NCK2: variants seen among roughly 807,000 people sequenced by gnomAD.
NCK2 encodes cytoplasmic protein NCK2.
NCK2 carries 16 observed loss-of-function variants against 33.9 expected under a neutral mutation model. The ratio of observed to expected loss-of-function variants is 0.47; its 90% CI spans 0.32 to 0.72. The LOEUF is 0.72. Among genes scored for constraint, NCK2 ranks in the 30% least tolerant of loss-of-function variants. The pLI, the probability that NCK2 is intolerant of heterozygous loss-of-function variation, is 0.03. For missense variants in NCK2, 418 were observed against 537.3 expected, an observed-to-expected ratio of 0.78 and a Z score of 2.19; for synonymous variants, 273 against 239.9, an observed-to-expected ratio of 1.14 and a Z score of -1.27.
intron 2 of NCK2, among the ~76,000 whole-genome samples, chr2:105,841,954 T>C (rs1051293543): frequency 1.3e-5 from 2 of 151,872 alleles, no homozygotes; most frequent in Non-Finnish European, 2.9e-5. Flanking sequence ...GCACCAAGAG[T>C]CCACTTGAGG....
intron 1 of NCK2, among the ~76,000 whole-genome samples, chr2:105,789,242 T>C (rs1690790912): frequency 6.6e-6 from 1 of 151,922 alleles, no homozygotes; most frequent in South Asian, 2.1e-4. Flanking sequence ...GGCTGGAGTG[T>C]AGTGGCGCGA....
At chr2:105,750,309 A>G (rs747972635) in intron 1 of NCK2, among the ~76,000 whole-genome samples, 3 of 152,136 alleles carry the variant, frequency 2.0e-5, no homozygotes, top group African/African-American at 7.2e-5. Flanking sequence ...CCCCACCCTT[A>G]TGGTGACCTT....
chr2:105,787,131 C>A (rs1690707173), intron 1 of NCK2, among the ~76,000 whole-genome samples: 1 of 152,236 alleles, frequency 6.6e-6, no homozygotes. Context: ...ACTGCCCTCA[C>A]CTTTGACCCT....
rs1368737334 is a variant in NCK2, at chr2:105,873,979, C to A, written c.227-7349C>A. On this transcript the variant is annotated intron_variant, in intron 3 of 4. Coordinates refer to ENST00000233154, the MANE Select transcript of NCK2 (RefSeq NM_003581.5). ...CAGATATGAGTCATGGGCCTTCCCCCATGGCCAGCAAAGGCGGGGGAAGGC... is the reference window on the plus strand; with the variant it reads ...CAGATATGAGTCATGGGCCTTCCCCAATGGCCAGCAAAGGCGGGGGAAGGC... Among the ~76,000 whole-genome samples, 3 of 152,304 alleles carry A rather than the reference C, an allele frequency of 2.0e-5. No individual in the cohort carries two copies. In the East Asian group the frequency reaches 5.8e-4, roughly 29 times the overall value.
chr2:105,834,846 T>C (rs1381854501), intron 2 of NCK2, among the ~76,000 whole-genome samples: 1 of 151,980 alleles, frequency 6.6e-6, no homozygotes, highest in East Asian at 1.9e-4. Context: ...GGCTAAATTT[T>C]ATTTTTATTT....
At chr2:105,816,315 A>T (rs1219406892) in intron 1 of NCK2, 115 bp from the exon 2 acceptor site, 1 of 152,216 alleles carries the variant, frequency 6.6e-6, no homozygotes, top group African/African-American at 2.4e-5. Context: ...AAAAAAATAA[A>T]TAAATAACAA....
chr2:105,801,536 G>A (rs1203885225), intron 1 of NCK2, among the ~76,000 whole-genome samples: 1 of 152,034 alleles, frequency 6.6e-6, no homozygotes, highest in African/African-American at 2.4e-5. Context: ...GCTGGCTGTA[G>A]CAGTCGAGTG....
At chr2:105,852,940 G>A (rs1195925005) in intron 2 of NCK2, among the ~76,000 whole-genome samples, 2 of 152,038 alleles carry the variant, frequency 1.3e-5, no homozygotes, top group African/African-American at 2.4e-5. Context: ...TTCCCAAAAG[G>A]TTTGTTATCT....
intron 1 of NCK2, among the ~76,000 whole-genome samples, chr2:105,758,575 A>AC: frequency 6.6e-6 from 1 of 151,610 alleles, no homozygotes; most frequent in Non-Finnish European, 1.5e-5. Context: ...ATGCCCGGCT[A>AC]ATTTTCGTAT....
chr2:105,875,365 C>T (rs902834913), intron 3 of NCK2, among the ~76,000 whole-genome samples: 1 of 152,176 alleles, frequency 6.6e-6, no homozygotes, highest in African/African-American at 2.4e-5. Context: ...GGGTCTCCTG[C>T]CCCGCCCAGT....
At chr2:105,757,486 G>A (rs1452826563) in intron 1 of NCK2, among the ~76,000 whole-genome samples, 2 of 152,180 alleles carry the variant, frequency 1.3e-5, no homozygotes, top group Non-Finnish European at 2.9e-5. Flanking sequence ...GAAAGGCTAC[G>A]TTGTTCATCC....
intron 1 of NCK2, among the ~76,000 whole-genome samples, chr2:105,789,204 T>C (rs1690789330): frequency 6.6e-6 from 1 of 152,148 alleles, no homozygotes; most frequent in African/African-American, 2.4e-5. Flanking sequence ...TTTCTTTTTT[T>C]GGAGACAGAG....
chr2:105,803,188 A>G (rs2104450554), intron 1 of NCK2, among the ~76,000 whole-genome samples: 1 of 152,310 alleles, frequency 6.6e-6, no homozygotes, highest in East Asian at 1.9e-4. Context: ...AGTTGTTAAT[A>G]TAAACATTTA....
chr2:105,827,279 G>A (rs373152665), intron 2 of NCK2, among the ~76,000 whole-genome samples: 25 of 152,164 alleles, frequency 1.6e-4, no homozygotes, highest in African/African-American at 5.8e-4. Context: ...GTTTACAGGC[G>A]TGAGCCACCG....
chr2:105,753,678 T>C (rs914714290), intron 1 of NCK2, among the ~76,000 whole-genome samples: 1 of 152,210 alleles, frequency 6.6e-6, no homozygotes, highest in Non-Finnish European at 1.5e-5. Flanking sequence ...TTTGTGCTGT[T>C]GGAATAGCTT....
chr2:105,824,370 T>A (rs2104505933), intron 2 of NCK2, among the ~76,000 whole-genome samples: 1 of 152,330 alleles, frequency 6.6e-6, no homozygotes, highest in East Asian at 1.9e-4. Context: ...TTCCGGAATA[T>A]GCCACTTATG....
At chr2:105,853,613 TACCGTTTTAAAG>T (rs1008236332) in intron 2 of NCK2, among the ~76,000 whole-genome samples, 3 of 152,222 alleles carry the variant, frequency 2.0e-5, no homozygotes, top group African/African-American at 7.2e-5. Flanking sequence ...CAGTATGTCA[TACCGTTTTAAAG>T]AAAAAACTTA....
At chr2:105,746,066 T>C (rs1175522233) in intron 1 of NCK2, among the ~76,000 whole-genome samples, 1 of 152,192 alleles carries the variant, frequency 6.6e-6, no homozygotes, top group East Asian at 1.9e-4. Context: ...TAAACTAGTA[T>C]TGTAACAGCT....
chr2:105,788,218 A>G (rs899556098), intron 1 of NCK2, among the ~76,000 whole-genome samples: 21 of 152,230 alleles, frequency 1.4e-4, no homozygotes, highest in African/African-American at 5.1e-4. Flanking sequence ...AAAAGTTAGA[A>G]AACCTAGGTA....
Sources: gnomAD v4.1 joint callset for allele counts (sites outside exome capture counted in the v4.1 genomes callset) on GRCh38, gnomAD v4.1.1 for gene constraint, MANE v1.5 for transcripts, NCBI Gene and HGNC (gene_info 2026-07-23, HGNC 2026-07-21) for gene names.